MORC1: variants seen among roughly 807,000 people sequenced by gnomAD.
The protein encoded by MORC1 is MORC family CW-type zinc finger 1, also known as MORC family CW-type zinc finger protein 1.
MORC1 carries 59 observed loss-of-function variants against 134.9 expected under a neutral mutation model. That is an observed-to-expected ratio of 0.44 (90% confidence interval 0.35 to 0.54). MORC1 has a LOEUF of 0.54. Among genes scored for constraint, MORC1 ranks in the 20% least tolerant of loss-of-function variants. The probability of loss-of-function intolerance (pLI) is 0.00; values close to 1 mark genes in which losing one functional copy is unlikely to be tolerated. For missense variants in MORC1, 947 were observed against 1,134.5 expected (o/e 0.83, Z 2.37); for synonymous variants, 395 against 391.7 (o/e 1.01, Z -0.10).
intron 5 of MORC1, 22 bp downstream of exon 5, chr3:109,100,395 T>C: frequency 1.3e-6 from 2 of 1,557,162 alleles, no homozygotes; most frequent in African/African-American, 1.4e-5. Context: ...AATATATGTC[T>C]TAAGGGAAAA....
intron 24 of MORC1, among the ~76,000 whole-genome samples, chr3:108,976,427 A>G (rs902005188): frequency 1.3e-5 from 2 of 152,220 alleles, no homozygotes; most frequent in African/African-American, 4.8e-5. Context: ...TTGAAAAACT[A>G]AAAGTCTAGT....
intron 13 of MORC1, 24 bp downstream of exon 13, chr3:109,057,319 C>T (rs1396829604): frequency 6.3e-7 from 1 of 1,599,382 alleles, no homozygotes; most frequent in Non-Finnish European, 8.5e-7. Context: ...CTGCTTATAT[C>T]TCTGAAAGCA....
At chr3:109,043,188 T>TGGGG (rs112162969) in intron 14 of MORC1, among the ~76,000 whole-genome samples, 68 of 55,578 alleles carry the variant, frequency 1.2e-3, no homozygotes, top group Non-Finnish European at 1.7e-3. Context: ...TGGCAAAATG[T>TGGGG]GGGGGGGGGG....
At chr3:109,045,370 A>T (rs1949670227) in intron 14 of MORC1, among the ~76,000 whole-genome samples, 2 of 152,098 alleles carry the variant, frequency 1.3e-5, no homozygotes, top group Non-Finnish European at 2.9e-5. Context: ...ACCCTTCCTA[A>T]TCTGGTCCAA....
Position 108,971,324 on chromosome 3 carries a change from G to C in MORC1, c.2550+6C>G, listed in dbSNP as rs1313216536. On this transcript the variant is annotated splice_donor_region_variant and intron_variant, in intron 25 of 27. Coordinates refer to ENST00000232603, the MANE Select transcript of MORC1 (RefSeq NM_014429.4). ...TCCCTCACAGTTCCAAAAAAAACCA[G>C]CTTACCTCACAACTTAATGCAGGTT... The C allele has an allele frequency of 5.6e-6, 9 of 1,612,352 alleles. No homozygotes were observed. The highest frequency in any genetic ancestry group is 6.8e-6 in the Non-Finnish European group (8 of 1,178,956).
At chr3:109,105,543 G>A (rs1951015147) in intron 3 of MORC1, among the ~76,000 whole-genome samples, 1 of 151,916 alleles carries the variant, frequency 6.6e-6, no homozygotes, top group South Asian at 2.1e-4. Context: ...GCCAGGCATG[G>A]TGGCACATGC....
At chr3:109,089,284 TA>T (rs1218138532) in intron 8 of MORC1, among the ~76,000 whole-genome samples, 2 of 152,146 alleles carry the variant, frequency 1.3e-5, no homozygotes, top group Non-Finnish European at 2.9e-5. Flanking sequence ...TTAAAATCCA[TA>T]TTAAGATTCC....
chr3:109,067,991 T>G (rs2107701899), intron 9 of MORC1, among the ~76,000 whole-genome samples: 1 of 152,242 alleles, frequency 6.6e-6, no homozygotes, highest in Non-Finnish European at 1.5e-5. Context: ...AACATTGAAT[T>G]TGGATTGGTA....
At chr3:109,100,579 A>G in intron 4 of MORC1, 72 bp from the exon 5 acceptor site, 1 of 1,129,370 alleles carries the variant, frequency 8.9e-7, no homozygotes, top group Non-Finnish European at 1.3e-6. Flanking sequence ...AGCTGTCAGG[A>G]CCTCACATTC....
Position 109,099,358 on chromosome 3 carries a change from C to T in MORC1, c.423G>A (p.Glu141=). Residue 141 remains glutamate (E), a splice_region_variant and synonymous_variant, in exon 6 of 28, where the codon GAG becomes GAA. Transcript: ENST00000232603. ...QTFCEEESLS[E]VVVPMPSWLI... ...ACAGAAGGAAAACTTCAACTCTTACCTCACTAAGACTTTCTTCTTCACAGA... is the reference window on the plus strand; with the variant it reads ...ACAGAAGGAAAACTTCAACTCTTACTTCACTAAGACTTTCTTCTTCACAGA... 2 of 1,598,340 alleles carry T rather than the reference C, an allele frequency of 1.3e-6. No homozygotes were observed. Among genetic ancestry groups the T allele is most frequent in the East Asian group, 2.2e-5 (1 of 44,482 alleles).
intron 14 of MORC1, among the ~76,000 whole-genome samples, chr3:109,036,009 G>A (rs1015753250): frequency 2.6e-5 from 4 of 152,006 alleles, no homozygotes; most frequent in Non-Finnish European, 5.9e-5. Context: ...ACTCATCATG[G>A]AGGACTGTTA....
At chr3:109,029,420 T>C (rs552956645) in intron 16 of MORC1, among the ~76,000 whole-genome samples, 2 of 152,332 alleles carry the variant, frequency 1.3e-5, no homozygotes, top group Non-Finnish European at 2.9e-5. Context: ...ATGCAATTCA[T>C]TCAACTGTCT....
Position 108,971,327 on chromosome 3 carries a change from T to C in MORC1, c.2550+3A>G, listed in dbSNP as rs1357159316. ...CTCACAGTTCCAAAAAAAACCAGCTTACCTCACAACTTAATGCAGGTTCTT... is the reference window on the plus strand; with the variant it reads ...CTCACAGTTCCAAAAAAAACCAGCTCACCTCACAACTTAATGCAGGTTCTT... On this transcript the variant is annotated splice_donor_region_variant and intron_variant, in intron 25 of 27. Coordinates refer to ENST00000232603, the MANE Select transcript of MORC1 (RefSeq NM_014429.4). 1.2e-6 allele frequency: 2 copies of C among 1,612,540 alleles called. No homozygotes were observed. Among genetic ancestry groups the C allele is most frequent in the Non-Finnish European group, 8.5e-7 (1 of 1,179,092 alleles).
chr3:109,029,694 TC>T (rs1319790466), intron 16 of MORC1, among the ~76,000 whole-genome samples: 2 of 152,092 alleles, frequency 1.3e-5, no homozygotes, highest in African/African-American at 4.8e-5. Context: ...AAAACCAGGC[TC>T]CAGTGGTTTG....
intron 19 of MORC1, 23 bp from the exon 20 acceptor site, chr3:109,004,911 A>C (rs901644680): frequency 4.4e-6 from 7 of 1,601,958 alleles, no homozygotes; most frequent in Non-Finnish European, 6.0e-6. Flanking sequence ...AGAATACAGA[A>C]AAAAAAATTA....
intron 21 of MORC1, among the ~76,000 whole-genome samples, chr3:108,991,985 CT>C (rs1948074699): frequency 6.6e-6 from 1 of 152,020 alleles, no homozygotes; most frequent in Non-Finnish European, 1.5e-5. Context: ...TTTTGTTGGT[CT>C]TTAGTTTCTC....
In MORC1 at chr3:109,118,117, T is replaced by C; in HGVS notation, c.-58A>G. 2 of 1,561,202 alleles carry C rather than the reference T, an allele frequency of 1.3e-6. No individual in the cohort carries two copies. The highest frequency in any genetic ancestry group is 4.7e-5 in the East Asian group (2 of 42,230). ...ACAAGGACACCTGACCGGCAGCCGT[T>C]CGCCTGCGCCCGCGCCCACTCCCAC... On this transcript the variant is annotated 5_prime_UTR_variant, in exon 1 of 28. Coordinates refer to ENST00000232603, the MANE Select transcript of MORC1 (RefSeq NM_014429.4).
rs780786797 is a variant in MORC1 at position 109,027,804 on chromosome 3, G to C, written c.1651C>G (p.Leu551Val). The change falls in exon 17 of 28, where the codon CTT becomes GTT. Residue 551 changes from leucine to valine, a missense_variant. By Grantham distance (32) the Leu-to-Val change is conservative (BLOSUM62 1). This residue lies in a region of MORC1 where 722 missense variants were observed against 817.0 expected (regional missense o/e 0.88). Coordinates refer to ENST00000232603, the MANE Select transcript of MORC1 (RefSeq NM_014429.4). ...TGATACTTTATGACCGACTCTCTAAGTTGCTTCTCTTTCTCATTTTTTGAT... is the reference window on the plus strand; with the variant it reads ...TGATACTTTATGACCGACTCTCTAACTTGCTTCTCTTTCTCATTTTTTGAT... Reference protein sequence around the residue: ...SPSKNEKEKQLRESVIKYQNR... With the variant: ...SPSKNEKEKQVRESVIKYQNR... 6.2e-7 allele frequency: 1 copy of C among 1,613,858 alleles called. No individual in the cohort carries two copies. The highest frequency in any genetic ancestry group is 8.5e-7 in the Non-Finnish European group (1 of 1,179,856).
rs568408181 is a variant in MORC1 at position 109,027,563 on chromosome 3, T to C, written c.1704+188A>G. Among the ~76,000 whole-genome samples the C allele has an allele frequency of 5.8e-4, 72 of 124,524 alleles. 1 individual carries two copies. The highest frequency in any genetic ancestry group is 2.1e-3 in the African/African-American group (64 of 30,236). 81.7% of individuals were successfully genotyped at this position (124,524 alleles called of 152,430 possible). ...ATGGGCTTAGATATCACATATACAG[T>C]ATTTTTTTTTTTTTTACAAAACTCA... On this transcript the variant is annotated intron_variant, in intron 17 of 27. Transcript: ENST00000232603.
Sources: allele counts gnomAD v4.1 joint callset (sites outside exome capture counted in the v4.1 genomes callset), GRCh38; gene constraint gnomAD v4.1.1; regional missense constraint gnomAD v4.1.1; transcripts MANE v1.5; gene names NCBI Gene and HGNC (gene_info 2026-07-23, HGNC 2026-07-21).